The following MEGF10 variants were observed in gnomAD, a reference collection of about 807,000 sequenced individuals.
MEGF10 encodes multiple EGF like domains 10.
MEGF10 carries 86 observed loss-of-function variants against 147.5 expected under a neutral mutation model. The observed-to-expected ratio is 0.58, with a 90% CI of 0.49 to 0.70. The LOEUF (loss-of-function observed/expected upper bound fraction) is 0.70. Among genes scored for constraint, MEGF10 ranks in the 30% least tolerant of loss-of-function variants. MEGF10 has a pLI of 0.00. For missense variants in MEGF10, 1,329 were observed against 1,487.3 expected, an observed-to-expected ratio of 0.89 and a Z score of 1.75; for synonymous variants, 478 against 525.5, an observed-to-expected ratio of 0.91 and a Z score of 1.24.
At chr5:127,395,161 C>T (rs931430455) in intron 5 of MEGF10, among the ~76,000 whole-genome samples, 15 of 152,010 alleles carry the variant, frequency 9.9e-5, no homozygotes, top group East Asian at 1.9e-4. Context: ...ATAAATATAC[C>T]GCTGGCTCAG....
the MEGF10 span, among the ~76,000 whole-genome samples, chr5:127,267,077 T>A: frequency 6.6e-6 from 1 of 152,224 alleles, no homozygotes; most frequent in Non-Finnish European, 1.5e-5. Context: ...ATAGCTCTTA[T>A]TATTTTGAGA....
At chr5:127,308,712 G>T (rs920356943) in intron 1 of MEGF10, among the ~76,000 whole-genome samples, 5 of 151,032 alleles carry the variant, frequency 3.3e-5, no homozygotes, top group Non-Finnish European at 5.9e-5. Context: ...AGAGCCTGTT[G>T]TGGGGTGGGG....
chr5:127,446,760 T>C (rs892300881), intron 20 of MEGF10, among the ~76,000 whole-genome samples: 1 of 152,168 alleles, frequency 6.6e-6, no homozygotes, highest in Admixed American at 6.5e-5. Context: ...TTCTAATTGA[T>C]CAGTGCAGCT....
intron 1 of MEGF10, among the ~76,000 whole-genome samples, chr5:127,294,799 A>AAATAAT (rs200086613): frequency 0.069 from 7,477 of 107,984 alleles, 300 homozygotes; most frequent in Middle Eastern, 0.18. Context: ...ACTCTGTCTC[A>AAATAAT]AATAATAATA....
intron 1 of MEGF10, among the ~76,000 whole-genome samples, chr5:127,292,389 T>C (rs1759299559): frequency 1.3e-5 from 2 of 152,258 alleles, no homozygotes; most frequent in Non-Finnish European, 2.9e-5. Context: ...CTAACAAGCC[T>C]GACACATAGT....
intron 9 of MEGF10, among the ~76,000 whole-genome samples, chr5:127,417,045 T>G (rs1426142782): frequency 2.6e-5 from 4 of 152,222 alleles, no homozygotes; most frequent in African/African-American, 7.2e-5. Context: ...GAGAAGCACA[T>G]GTGTTTTGAG....
chr5:127,399,863 A>G (rs1764060745), intron 7 of MEGF10, among the ~76,000 whole-genome samples: 1 of 152,164 alleles, frequency 6.6e-6, no homozygotes. Flanking sequence ...CACTCTGGCA[A>G]TCTCATCCAG....
Position 127,434,716 on chromosome 5 carries a change from T to G in MEGF10, c.1870T>G (p.Cys624Gly). ...ICSPGFYGHR[C>G]SQTCPQCVHS... ...CTCCCCTGGTTTTTATGGGCATCGC[T>G]GCAGCCAGACATGCCCACAGTGCGT... Residue 624 changes from cysteine (C) to glycine (G), a missense_variant, in exon 15 of 25, where the codon TGC (cysteine) becomes GGC (glycine). Physicochemically the swap from Cys to Gly is radical, Grantham distance 159. Transcript: ENST00000503335. 1 of 1,613,572 alleles carries G rather than the reference T, an allele frequency of 6.2e-7. No homozygotes were observed. Among genetic ancestry groups the G allele is most frequent in the Non-Finnish European group, 8.5e-7 (1 of 1,179,812 alleles).
chr5:127,305,471 C>T (rs1387848125), intron 1 of MEGF10, among the ~76,000 whole-genome samples: 1 of 152,152 alleles, frequency 6.6e-6, no homozygotes. Flanking sequence ...AGAGATCCTG[C>T]TTCCAGAAGA....
chr5:127,433,587 C>A, intron 14 of MEGF10, 78 bp downstream of exon 14: 7 of 1,503,272 alleles, frequency 4.7e-6, no homozygotes, highest in Non-Finnish European at 1.8e-6. Context: ...TCTGTCCCAC[C>A]TCTCAGTTTA....
chr5:127,252,974 T>C, the MEGF10 span, among the ~76,000 whole-genome samples: 52 of 152,014 alleles, frequency 3.4e-4, no homozygotes, highest in African/African-American at 1.2e-3. Flanking sequence ...GAAGCCAAAT[T>C]TGACAAAGAT....
chr5:127,408,683 C>T (rs1470183180), intron 8 of MEGF10, among the ~76,000 whole-genome samples: 2 of 152,156 alleles, frequency 1.3e-5, no homozygotes, highest in African/African-American at 4.8e-5. Flanking sequence ...TTAACAAATA[C>T]ACCTGAAGAT....
chr5:127,457,189 A>G lies in MEGF10; in HGVS notation c.3294A>G (p.Pro1098=). The change falls in exon 25 of 25, where the codon CCA becomes CCG. Residue 1098 remains proline, a synonymous_variant. Coordinates refer to ENST00000503335, the MANE Select transcript of MEGF10 (RefSeq NM_001256545.2). The part of the protein sequence containing the change: ...FSNNGRLSQD[P]YDLPKNSHIP... ...ATAATGGGCGTCTCTCCCAGGATCC[A>G]TATGACCTCCCAAAGAACAGTCACA... 1 of 1,614,168 alleles carries G rather than the reference A, an allele frequency of 6.2e-7. No homozygotes were observed. The highest frequency in any genetic ancestry group is 8.5e-7 in the Non-Finnish European group (1 of 1,180,010).
At chr5:127,325,228 A>G (rs565984990) in intron 1 of MEGF10, among the ~76,000 whole-genome samples, 3 of 152,166 alleles carry the variant, frequency 2.0e-5, no homozygotes, top group East Asian at 1.9e-4. Context: ...AACTCTGGCA[A>G]GTCATCTCTA....
intron 1 of MEGF10, among the ~76,000 whole-genome samples, chr5:127,324,653 T>C (rs1448087095): frequency 6.6e-6 from 1 of 152,218 alleles, no homozygotes; most frequent in Non-Finnish European, 1.5e-5. Flanking sequence ...GGTTGGTTTT[T>C]GCACACCTTC....
At chr5:127,393,273 C>A (rs559861445) in intron 5 of MEGF10, among the ~76,000 whole-genome samples, 1 of 152,304 alleles carries the variant, frequency 6.6e-6, no homozygotes, top group South Asian at 2.1e-4. Flanking sequence ...AAATGTGGTA[C>A]TTGAATTCAG....
chr5:127,248,075 G>T, the MEGF10 span, among the ~76,000 whole-genome samples: 4 of 152,044 alleles, frequency 2.6e-5, no homozygotes, highest in Non-Finnish European at 5.9e-5. Flanking sequence ...AGCTATAATG[G>T]AAAGACTTCA....
At chr5:127,340,723 A>G (rs1761648353) in intron 4 of MEGF10, 93 bp downstream of exon 4, 3 of 972,936 alleles carry the variant, frequency 3.1e-6, no homozygotes, top group African/African-American at 1.6e-5. Flanking sequence ...GTCTGGGGAG[A>G]TGGGTGTCTT....
chr5:127,348,367 C>T (rs2126814873), intron 4 of MEGF10, among the ~76,000 whole-genome samples: 1 of 152,126 alleles, frequency 6.6e-6, no homozygotes, highest in East Asian at 1.9e-4. Flanking sequence ...ACACATGTAG[C>T]TATTTTAAAA....
Sources: gnomAD v4.1 joint callset for allele counts (sites outside exome capture counted in the v4.1 genomes callset) on GRCh38, gnomAD v4.1.1 for gene constraint, MANE v1.5 for transcripts, NCBI Gene and HGNC (gene_info 2026-07-23, HGNC 2026-07-21) for gene names.